The following MAGI2 variants were observed in gnomAD, a reference collection of about 807,000 sequenced individuals.
The protein encoded by MAGI2 is membrane associated guanylate kinase, WW and PDZ domain containing 2.
Under a neutral mutation model 133.3 loss-of-function variants are expected in MAGI2, and 35 were observed. The observed-to-expected ratio is 0.26, with a 90% CI of 0.20 to 0.35. MAGI2 has a LOEUF of 0.35. Ranked by LOEUF, MAGI2 falls within the 10% of genes least tolerant of loss-of-function variation. The pLI, the probability that MAGI2 is intolerant of heterozygous loss-of-function variation, is 1.00. For synonymous variants in MAGI2, 729 were observed against 710.6 expected (o/e 1.03, Z -0.41); for missense variants, 1,636 against 1,863.4 (o/e 0.88, Z 2.25).
intron 1 of MAGI2, among the ~76,000 whole-genome samples, chr7:79,264,857 C>CAGAG (rs201440014): frequency 3.3e-5 from 5 of 150,998 alleles, no homozygotes; most frequent in African/African-American, 9.7e-5. Flanking sequence ...ACGAGAGAGA[C>CAGAG]ACAGAGAGAG....
intron 1 of MAGI2, among the ~76,000 whole-genome samples, chr7:79,340,037 T>C (rs1190583592): frequency 6.6e-6 from 1 of 152,166 alleles, no homozygotes; most frequent in Non-Finnish European, 1.5e-5. Context: ...ATGTAATATA[T>C]GCTTTCAATA....
chr7:78,449,570 C>T (rs1180260530), intron 6 of MAGI2, among the ~76,000 whole-genome samples: 1 of 152,036 alleles, frequency 6.6e-6, no homozygotes, highest in Non-Finnish European at 1.5e-5. Flanking sequence ...TAATTGCTGC[C>T]TGTGGCTTGG....
intron 2 of MAGI2, among the ~76,000 whole-genome samples, chr7:78,879,354 A>G (rs1471750368): frequency 5.9e-5 from 9 of 152,142 alleles, no homozygotes; most frequent in Non-Finnish European, 1.3e-4. Context: ...AATAAATTAT[A>G]TACCCATCTA....
chr7:78,629,723 GTC>G (rs10564269), intron 2 of MAGI2, among the ~76,000 whole-genome samples: 102,266 of 151,792 alleles, frequency 0.67, 34,910 homozygotes, highest in Middle Eastern at 0.8. Context: ...GTGTCTTCTT[GTC>G]TCTCTCTCTT....
At chr7:78,866,141 A>C (rs1192680522) in intron 2 of MAGI2, among the ~76,000 whole-genome samples, 1 of 152,216 alleles carries the variant, frequency 6.6e-6, no homozygotes, top group Non-Finnish European at 1.5e-5. Flanking sequence ...GCTGAAAAAC[A>C]GAGAAATTTG....
intron 21 of MAGI2, among the ~76,000 whole-genome samples, chr7:78,065,087 A>G (rs1409062066): frequency 6.6e-6 from 1 of 152,108 alleles, no homozygotes; most frequent in Non-Finnish European, 1.5e-5. Context: ...TCCTGATTGG[A>G]TAACTGCCAC....
intron 2 of MAGI2, among the ~76,000 whole-genome samples, chr7:78,659,738 T>C (rs371086948): frequency 1.1e-4 from 16 of 152,264 alleles, no homozygotes; most frequent in African/African-American, 3.4e-4. Flanking sequence ...GGTCAATATC[T>C]TGGTTGTGAT....
intron 1 of MAGI2, chr7:79,125,754 C>A: frequency 1.9e-6 from 1 of 521,378 alleles, no homozygotes; most frequent in Non-Finnish European, 3.8e-6. Flanking sequence ...TGCCAAGCCA[C>A]AAAATCAAGA....
intron 1 of MAGI2, among the ~76,000 whole-genome samples, chr7:79,106,112 A>G (rs1818428782): frequency 6.6e-6 from 1 of 152,202 alleles, no homozygotes; most frequent in Non-Finnish European, 1.5e-5. Context: ...CCAAAAATTT[A>G]GGAATTATAT....
intron 10 of MAGI2, among the ~76,000 whole-genome samples, chr7:78,236,111 G>T (rs11771871): frequency 0.29 from 44,137 of 150,558 alleles, 7,508 homozygotes; most frequent in Non-Finnish European, 0.37. Context: ...GTGGGTTAAT[G>T]TATAGGGTTA....
At chr7:78,800,967 A>C (rs1017092815) in intron 2 of MAGI2, among the ~76,000 whole-genome samples, 1 of 152,288 alleles carries the variant, frequency 6.6e-6, no homozygotes, top group Middle Eastern at 3.4e-3. Context: ...AAAATGACCT[A>C]TGAGAACGTA....
intron 18 of MAGI2, among the ~76,000 whole-genome samples, chr7:78,129,367 A>T (rs929452975): frequency 6.6e-6 from 1 of 152,232 alleles, no homozygotes; most frequent in African/African-American, 2.4e-5. Context: ...TTTTAAGTGA[A>T]TAATATACCA....
rs544924219 is a variant in MAGI2 at position 79,058,106 on chromosome 7, G to A, written c.302-50900C>T. 3.9e-5 allele frequency among the ~76,000 whole-genome samples: 6 copies of A among 152,016 alleles called. No individual in the cohort carries two copies. In the South Asian group the frequency reaches 1.0e-3, roughly 26 times the overall value. ...AACAGAGGAAGTGGTGGAGAGGGGGGAAGAAGAACAAAGAAGGAACTGAGA... is the reference window on the plus strand; with the variant it reads ...AACAGAGGAAGTGGTGGAGAGGGGGAAAGAAGAACAAAGAAGGAACTGAGA... On this transcript the variant is annotated intron_variant, in intron 1 of 21. Coordinates refer to ENST00000354212, the MANE Select transcript of MAGI2 (RefSeq NM_012301.4).
At chr7:78,724,761 C>T (rs1415115879) in intron 2 of MAGI2, among the ~76,000 whole-genome samples, 1 of 151,604 alleles carries the variant, frequency 6.6e-6, no homozygotes, top group East Asian at 1.9e-4. Context: ...ACACTTCCAG[C>T]TGGTCCAAGG....
intron 6 of MAGI2, among the ~76,000 whole-genome samples, chr7:78,399,216 A>G (rs1473647872): frequency 6.6e-6 from 1 of 152,154 alleles, no homozygotes; most frequent in African/African-American, 2.4e-5. Context: ...CTTACATTCT[A>G]CCCTGAACAA....
At chr7:78,171,149 G>GA (rs1037328117) in intron 14 of MAGI2, among the ~76,000 whole-genome samples, 17 of 152,054 alleles carry the variant, frequency 1.1e-4, no homozygotes, top group Non-Finnish European at 2.1e-4. Flanking sequence ...TCTATTCTGA[G>GA]AAAAAAACAA....
intron 20 of MAGI2, among the ~76,000 whole-genome samples, chr7:78,100,030 G>C (rs567922920): frequency 6.6e-6 from 1 of 152,196 alleles, no homozygotes; most frequent in South Asian, 2.1e-4. Flanking sequence ...ATACATCTGA[G>C]TTGTTATTTT....
intron 2 of MAGI2, among the ~76,000 whole-genome samples, chr7:78,643,861 T>A (rs1810555710): frequency 6.6e-6 from 1 of 151,676 alleles, no homozygotes; most frequent in Non-Finnish European, 1.5e-5. Context: ...CAGCAACATC[T>A]ACACACACAC....
At chr7:79,149,851 G>A (rs767329058) in intron 1 of MAGI2, among the ~76,000 whole-genome samples, 2 of 152,124 alleles carry the variant, frequency 1.3e-5, no homozygotes, top group African/African-American at 2.4e-5. Flanking sequence ...ATTTAGCAGA[G>A]TCTCAAATTT....
Sources: gnomAD v4.1 joint callset for allele counts (sites outside exome capture counted in the v4.1 genomes callset) on GRCh38, gnomAD v4.1.1 for gene constraint, MANE v1.5 for transcripts, NCBI Gene and HGNC (gene_info 2026-07-23, HGNC 2026-07-21) for gene names.